The following COL12A1 variants were observed in gnomAD, a reference collection of about 807,000 sequenced individuals.
COL12A1 encodes the protein collagen type XII alpha 1 chain, also known as collagen alpha-1(XII) chain.
COL12A1 carries 114 observed loss-of-function variants against 349.7 expected under a neutral mutation model. The observed-to-expected ratio is 0.33, with a 90% CI of 0.28 to 0.38. COL12A1 has a LOEUF of 0.38. COL12A1 is among the 10% of genes least tolerant of loss of function. COL12A1 has a pLI of 1.00. For missense variants in COL12A1, 3,284 were observed against 3,756.9 expected, an observed-to-expected ratio of 0.87 and a Z score of 3.29; for synonymous variants, 1,369 against 1,329.0, an observed-to-expected ratio of 1.03 and a Z score of -0.66.
intron 57 of COL12A1, 77 bp from the exon 58 acceptor site, chr6:75,101,730 A>ATT: frequency 4.2e-6 from 6 of 1,414,878 alleles, no homozygotes; most frequent in Non-Finnish European, 5.7e-6. Context: ...TATTTTCCAA[A>ATT]TTTTTTTTTT....
In COL12A1 at chr6:75,152,192, G is replaced by A. The variant is rs375043994; in HGVS notation, c.3774C>T (p.Asp1258=). 6.2e-7 allele frequency: 1 copy of A among 1,613,726 alleles called. No homozygotes were observed. Among genetic ancestry groups the A allele is most frequent in the East Asian group, 2.2e-5 (1 of 44,848 alleles). Residue 1258 remains aspartate (D), a synonymous_variant, in exon 19 of 66, where the codon GAC becomes GAT. Coordinates refer to ENST00000322507, the MANE Select transcript of COL12A1 (RefSeq NM_004370.6). ...CCACAGCTTGCAACAAGCTCTTCTTGTCTCTGTGTGCATTTAACTGCCACT... is the reference window on the plus strand; with the variant it reads ...CCACAGCTTGCAACAAGCTCTTCTTATCTCTGTGTGCATTTAACTGCCACT... ...RTEWQLNAHR[D]KKSLLQAVAN...
At chr6:75,168,707 C>A (rs1223715614) in intron 13 of COL12A1, among the ~76,000 whole-genome samples, 1 of 152,124 alleles carries the variant, frequency 6.6e-6, no homozygotes, top group Non-Finnish European at 1.5e-5. Context: ...TTATTCTTTC[C>A]CCTTTTTGCT....
chr6:75,105,526 T>C (rs1017810420), intron 53 of COL12A1, among the ~76,000 whole-genome samples: 2 of 152,198 alleles, frequency 1.3e-5, no homozygotes, highest in Non-Finnish European at 2.9e-5. Context: ...CACTGAGATC[T>C]CTGGTAATTT....
chr6:75,134,854 G>A lies in COL12A1; in HGVS notation c.5396C>T (p.Thr1799Ile). ...ACTGTTCTGCCGTCCTCCTATTGTG[G>A]TCTTGAGTAAAAAGGGTCTTGGTAA... ...PSTGEGNEQT[T>I]TIGGRQNSVV... Residue 1799 changes from threonine (T) to isoleucine (I), a missense_variant and splice_region_variant, in exon 32 of 66, where the codon ACC becomes ATC. By Grantham distance (89) the Thr-to-Ile change is moderately conservative (BLOSUM62 -1). Transcript: ENST00000322507. The A allele has an allele frequency of 6.2e-7, 1 of 1,609,004 alleles. No individual in the cohort carries two copies. Among genetic ancestry groups the A allele is most frequent in the Non-Finnish European group, 8.5e-7 (1 of 1,176,624 alleles).
chr6:75,169,370 T>A (rs543226929), intron 13 of COL12A1, among the ~76,000 whole-genome samples: 2 of 152,120 alleles, frequency 1.3e-5, no homozygotes, highest in Non-Finnish European at 1.5e-5. Context: ...AGAAGACCAG[T>A]CTGTAGGCTA....
chr6:75,158,526 T>A (rs1001221945), intron 14 of COL12A1, among the ~76,000 whole-genome samples: 4 of 151,988 alleles, frequency 2.6e-5, no homozygotes, highest in African/African-American at 9.7e-5. Flanking sequence ...CAGTCCAAAC[T>A]AAGACAACAC....
chr6:75,202,850 C>A, intron 1 of COL12A1, 23 bp from the exon 2 acceptor site: 1 of 1,490,028 alleles, frequency 6.7e-7, no homozygotes, highest in Non-Finnish European at 9.2e-7. Flanking sequence ...GTAGTGACTG[C>A]ATCAGAACTG....
chr6:75,151,170 A>C lies in COL12A1; in HGVS notation c.4118T>G (p.Ile1373Ser), dbSNP rs1268978531. 3.7e-6 allele frequency: 6 copies of C among 1,612,378 alleles called. No homozygotes were observed. Among genetic ancestry groups the C allele is most frequent in the Non-Finnish European group, 3.4e-6 (4 of 1,178,978 alleles). Residue 1373 changes from isoleucine (I) to serine (S), a missense_variant, in exon 21 of 66, where the codon ATT becomes AGT. Physicochemically the swap from Ile to Ser is moderately radical, Grantham distance 142. Transcript: ENST00000322507. ...SLSRIVDDLT[I>S]NLCNSVKGPG... ...ACCTTTGACACTGTTACACAAATTA[A>C]TGGTGAGATCATCCACTATCCTGGA... is the stretch of plus-strand genomic sequence containing the variant.
intron 38 of COL12A1, among the ~76,000 whole-genome samples, chr6:75,127,108 A>G (rs1235869951): frequency 6.6e-6 from 1 of 152,196 alleles, no homozygotes; most frequent in Non-Finnish European, 1.5e-5. Context: ...TAAGAAAAAC[A>G]AAACATGACT....
intron 34 of COL12A1, 26 bp from the exon 35 acceptor site, chr6:75,132,108 T>A (rs1174841564): frequency 1.2e-6 from 2 of 1,612,296 alleles, no homozygotes; most frequent in Non-Finnish European, 1.7e-6. Context: ...CCAACATCTA[T>A]TTTTTAAGTC....
chr6:75,136,067 C>T (rs1377371148), intron 31 of COL12A1, among the ~76,000 whole-genome samples: 1 of 152,120 alleles, frequency 6.6e-6, no homozygotes, highest in African/African-American at 2.4e-5. Flanking sequence ...GTTTACGAGA[C>T]TCTTTATGAT....
At chr6:75,195,060 T>C in intron 2 of COL12A1, 113 bp from the exon 3 acceptor site, 1 of 597,140 alleles carries the variant, frequency 1.7e-6, no homozygotes, top group East Asian at 2.9e-5. Flanking sequence ...TGCATAAATT[T>C]GTTTCCAACA....
intron 37 of COL12A1, 124 bp from the exon 38 acceptor site, chr6:75,128,549 C>T (rs998233293): frequency 8.6e-5 from 68 of 786,220 alleles, no homozygotes; most frequent in Middle Eastern, 8.2e-4. Flanking sequence ...ATTTTTGTTA[C>T]ACAATGCTCG....
In COL12A1 at chr6:75,180,790, T is replaced by C. The variant is rs993222169; in HGVS notation, c.2164+149A>G. 6.2e-6 allele frequency: 6 copies of C among 960,832 alleles called. No homozygotes were observed. In the East Asian group the frequency reaches 1.3e-4, roughly 21 times the overall value. 59.5% of individuals were successfully genotyped at this position (960,832 alleles called of 1,614,324 possible). On this transcript the variant is annotated intron_variant, in intron 11 of 65. Transcript: ENST00000322507. ...AGTTATTTTTCTCTTTTTAAAAAGA[T>C]TTATGAAAAGCTGTCTTTTAAAGAT...
chr6:75,157,272 G>A (rs995523058), intron 14 of COL12A1, among the ~76,000 whole-genome samples: 1 of 151,946 alleles, frequency 6.6e-6, no homozygotes, highest in Admixed American at 6.6e-5. Flanking sequence ...TTCATAAGCA[G>A]GACCATTTTA....
At chr6:75,205,657 C>T (rs1367160047) in intron 1 of COL12A1, 120 bp downstream of exon 1, 1 of 152,530 alleles carries the variant, frequency 6.6e-6, no homozygotes, top group African/African-American at 2.4e-5. Flanking sequence ...TATTACAAGT[C>T]CAAACTGTCC....
At chr6:75,138,987 T>C in intron 27 of COL12A1, 26 bp from the exon 28 acceptor site, 1 of 1,610,652 alleles carries the variant, frequency 6.2e-7, no homozygotes, top group Non-Finnish European at 8.5e-7. Context: ...GCAAGCAGAC[T>C]AAGTTTTTGA....
chr6:75,091,380 C>T lies in COL12A1; in HGVS notation c.8695G>A (p.Ala2899Thr), dbSNP rs780457606. ...ACTGCTCGCATCATGTTCTGGGAAG[C>T]AATGTCTCCCTTGTTGAATTAATGA... ...KGEKGDRGDI[A>T]SQNMMRAVAR... The change falls in exon 62 of 66, where the codon GCT (alanine) becomes ACT (threonine). Residue 2899 changes from alanine to threonine, a missense_variant. This residue lies in a region of COL12A1 where 683 missense variants were observed against 932.1 expected (regional missense o/e 0.73). Transcript: ENST00000322507. The T allele has an allele frequency of 4.3e-5, 69 of 1,613,710 alleles. No individual in the cohort carries two copies. The highest frequency in any genetic ancestry group is 5.8e-5 in the Non-Finnish European group (68 of 1,179,924).
At chr6:75,199,655 C>A (rs1770422653) in intron 2 of COL12A1, among the ~76,000 whole-genome samples, 1 of 152,052 alleles carries the variant, frequency 6.6e-6, no homozygotes, top group African/African-American at 2.4e-5. Flanking sequence ...CATACATGAA[C>A]CAAAAATAAT....
Sources: gnomAD v4.1 joint callset for allele counts (sites outside exome capture counted in the v4.1 genomes callset) on GRCh38, gnomAD v4.1.1 for gene constraint, gnomAD v4.1.1 regional missense constraint, MANE v1.5 for transcripts, NCBI Gene and HGNC (gene_info 2026-07-23, HGNC 2026-07-21) for gene names.